Variants in RAD51B observed in about 807,000 individuals in gnomAD.
RAD51B encodes DNA repair protein RAD51 homolog 2.
RAD51B carries 38 observed loss-of-function variants against 42.2 expected under a neutral mutation model. The ratio of observed to expected loss-of-function variants is 0.90; its 90% CI spans 0.70 to 1.18. The LOEUF (loss-of-function observed/expected upper bound fraction) is 1.18, where lower values mean the gene tolerates loss of function less well. RAD51B is among the 50% of genes most tolerant of loss of function. The pLI is 0.00. For synonymous variants in RAD51B, 154 were observed against 145.2 expected (o/e 1.06, Z -0.43); for missense variants, 373 against 400.7 (o/e 0.93, Z 0.59).
At chr14:68,590,406 T>C (rs192724409) in intron 10 of RAD51B, among the ~76,000 whole-genome samples, 2 of 152,214 alleles carry the variant, frequency 1.3e-5, no homozygotes, top group African/African-American at 4.8e-5. Context: ...CACCTGTAAC[T>C]GCCCCCAGCT....
intron 10 of RAD51B, among the ~76,000 whole-genome samples, chr14:68,531,841 A>G (rs1333119955): frequency 6.6e-6 from 1 of 152,108 alleles, no homozygotes; most frequent in Admixed American, 6.5e-5. Flanking sequence ...ACTACGAAAA[A>G]TAATTTAGAA....
chr14:68,630,695 G>A (rs1015513003), intron 10 of RAD51B, among the ~76,000 whole-genome samples: 1 of 149,276 alleles, frequency 6.7e-6, no homozygotes, highest in African/African-American at 2.5e-5. Context: ...GACAACCTTC[G>A]GCCGGTAACT....
chr14:68,371,056 G>GAAA (rs869154803), intron 8 of RAD51B, among the ~76,000 whole-genome samples: 1 of 90,634 alleles, frequency 1.1e-5, no homozygotes, highest in Non-Finnish European at 2.1e-5. Flanking sequence ...AAAAAAAAAA[G>GAAA]AAAAAAAGAA....
chr14:68,539,752 C>T (rs180827091), intron 10 of RAD51B, among the ~76,000 whole-genome samples: 8 of 152,276 alleles, frequency 5.3e-5, no homozygotes, highest in African/African-American at 9.6e-5. Context: ...ATTCTTTGGC[C>T]GCTGTCAGCT....
chr14:67,995,643 T>G (rs1454413088), intron 7 of RAD51B, among the ~76,000 whole-genome samples: 2 of 150,098 alleles, frequency 1.3e-5, no homozygotes, highest in Non-Finnish European at 3.0e-5. Context: ...AGACGGAGTC[T>G]CTCTCTGTCA....
intron 9 of RAD51B, among the ~76,000 whole-genome samples, chr14:68,425,960 CT>C (rs772283310): frequency 9.1e-6 from 1 of 109,956 alleles, no homozygotes; most frequent in East Asian, 2.4e-4. Context: ...TTCTTTCTTT[CT>C]TTCTTTCTTT....
chr14:68,513,840 T>C (rs896145488), intron 10 of RAD51B, among the ~76,000 whole-genome samples: 19 of 152,346 alleles, frequency 1.2e-4, no homozygotes, highest in African/African-American at 3.8e-4. Flanking sequence ...ATTTTGTTCC[T>C]CAGTTTCACT....
intron 10 of RAD51B, among the ~76,000 whole-genome samples, chr14:68,528,851 T>C (rs1051756256): frequency 6.6e-6 from 1 of 152,244 alleles, no homozygotes; most frequent in African/African-American, 2.4e-5. Context: ...GTGAGGTAGG[T>C]ATTATCATTT....
At chr14:67,830,995 C>A (rs750026518) in intron 3 of RAD51B, among the ~76,000 whole-genome samples, 2 of 151,680 alleles carry the variant, frequency 1.3e-5, no homozygotes, top group African/African-American at 2.4e-5. Flanking sequence ...CCTGCGTTAG[C>A]CTCCCGAGTA....
At chr14:68,420,641 A>C (rs1351121204) in intron 9 of RAD51B, among the ~76,000 whole-genome samples, 1 of 152,222 alleles carries the variant, frequency 6.6e-6, no homozygotes, top group Non-Finnish European at 1.5e-5. Flanking sequence ...GCGTATAATG[A>C]GCAGTGAGGA....
At position 68,151,823 on chromosome 14, in the gene RAD51B, CTTTTTTTT is replaced by C. The variant is rs71129868; in HGVS notation, c.757-140031_757-140024del. On this transcript the variant is annotated intron_variant, in intron 7 of 10. Transcript: ENST00000471583. ...CAAACATGGACTATAGTTATAAAGA[CTTTTTTTT>C]TTTTTTTTTTTTTTTTTTTTTTTTT... Among the ~76,000 whole-genome samples the C allele has an allele frequency of 4.1e-3, 162 of 39,992 alleles. 1 individual carries two copies. The highest frequency in any genetic ancestry group is 0.015 in the African/African-American group (154 of 10,616). The allele number at this position is 39,992 out of a possible 152,430, so 26.2% of individuals were successfully genotyped here.
chr14:68,160,829 A>G (rs1249516640), intron 7 of RAD51B, among the ~76,000 whole-genome samples: 1 of 152,200 alleles, frequency 6.6e-6, no homozygotes, highest in Non-Finnish European at 1.5e-5. Flanking sequence ...CTTACAAACA[A>G]TGGTGGCAAA....
chr14:68,523,220 G>C (rs893573739), intron 10 of RAD51B, among the ~76,000 whole-genome samples: 6 of 152,298 alleles, frequency 3.9e-5, no homozygotes, highest in Middle Eastern at 3.4e-3. Context: ...CGGATACCAG[G>C]CATGAGGGCA....
At chr14:67,913,595 A>G (rs2044057205) in intron 7 of RAD51B, among the ~76,000 whole-genome samples, 1 of 152,140 alleles carries the variant, frequency 6.6e-6, no homozygotes, top group Admixed American at 6.5e-5. Context: ...GCCACATACC[A>G]GTTTTGCTTA....
At chr14:68,119,544 C>T (rs908695014) in intron 7 of RAD51B, among the ~76,000 whole-genome samples, 1 of 144,096 alleles carries the variant, frequency 6.9e-6, no homozygotes, top group African/African-American at 2.6e-5. Context: ...GTTCAATTCC[C>T]ACCTATGAGT....
chr14:68,272,229 C>T (rs886345991), intron 7 of RAD51B, among the ~76,000 whole-genome samples: 4 of 152,036 alleles, frequency 2.6e-5, no homozygotes, highest in Non-Finnish European at 5.9e-5. Flanking sequence ...TATAATGTCT[C>T]AAGGGTTTCA....
At chr14:68,532,264 C>T (rs1053299074) in intron 10 of RAD51B, among the ~76,000 whole-genome samples, 3 of 151,544 alleles carry the variant, frequency 2.0e-5, no homozygotes, top group South Asian at 2.1e-4. Flanking sequence ...GGAAAAGAAA[C>T]AACAACAAAA....
intron 7 of RAD51B, among the ~76,000 whole-genome samples, chr14:67,906,220 A>G (rs1054433326): frequency 3.9e-5 from 6 of 152,170 alleles, no homozygotes; most frequent in Non-Finnish European, 7.3e-5. Flanking sequence ...ATGTTGAGCC[A>G]ACCTTGCATC....
At chr14:68,266,413 G>A (rs1004431582) in intron 7 of RAD51B, among the ~76,000 whole-genome samples, 1 of 152,186 alleles carries the variant, frequency 6.6e-6, no homozygotes, top group Non-Finnish European at 1.5e-5. Flanking sequence ...TGGCTTCCAA[G>A]TATAGGGTAG....
Sources: allele counts gnomAD v4.1 joint callset (sites outside exome capture counted in the v4.1 genomes callset), GRCh38; gene constraint gnomAD v4.1.1; transcripts MANE v1.5; gene names NCBI Gene and HGNC (gene_info 2026-07-23, HGNC 2026-07-21).